CAMTA1: variants seen among roughly 807,000 people sequenced by gnomAD.
The protein encoded by CAMTA1 is calmodulin-binding transcription activator 1.
A neutral mutation model predicts 170.9 loss-of-function variants in CAMTA1; 27 were observed. The ratio of observed to expected loss-of-function variants is 0.16; its 90% CI spans 0.12 to 0.22. The LOEUF (loss-of-function observed/expected upper bound fraction) is 0.22. Ranked by LOEUF, CAMTA1 falls within the 10% of genes least tolerant of loss-of-function variation. The pLI, the probability that CAMTA1 is intolerant of heterozygous loss-of-function variation, is 1.00. For synonymous variants in CAMTA1, 833 were observed against 891.5 expected (o/e 0.93, Z 1.17); for missense variants, 1,619 against 2,217.2 (o/e 0.73, Z 5.42).
At chr1:6,824,148 G>GT (rs1017521107) in intron 2 of CAMTA1, among the ~76,000 whole-genome samples, 6 of 152,082 alleles carry the variant, frequency 3.9e-5, no homozygotes, top group Non-Finnish European at 7.4e-5. Flanking sequence ...CAGCTCCTTA[G>GT]TACCTAGTTA....
chr1:7,202,610 T>C (rs1656916617), intron 4 of CAMTA1, among the ~76,000 whole-genome samples: 1 of 152,208 alleles, frequency 6.6e-6, no homozygotes, highest in Admixed American at 6.5e-5. Flanking sequence ...TTCTTGTAAT[T>C]ATTCCCAAAT....
chr1:7,046,743 C>T (rs1407082800), intron 3 of CAMTA1, among the ~76,000 whole-genome samples: 1 of 152,106 alleles, frequency 6.6e-6, no homozygotes, highest in East Asian at 1.9e-4. Context: ...AAATGCTGAC[C>T]TCAATAAATA....
In CAMTA1 at chr1:7,640,388, C is replaced by T; in HGVS notation, c.511-12C>T. The T allele has an allele frequency of 1.2e-6, 2 of 1,613,600 alleles. No individual in the cohort carries two copies. The highest frequency in any genetic ancestry group is 2.7e-5 in the African/African-American group (2 of 75,054). The stretch of plus-strand genomic sequence containing the variant: ...GCCACCCTCATGCTGCCAGTCTCTG[C>T]TCTCCCCACAGAACCCCGACATCGT... On this transcript the variant is annotated splice_polypyrimidine_tract_variant and intron_variant, in intron 6 of 22. Coordinates refer to ENST00000303635, the MANE Select transcript of CAMTA1 (RefSeq NM_015215.4).
chr1:7,327,850 C>T (rs1349811929), intron 5 of CAMTA1, among the ~76,000 whole-genome samples: 8 of 152,090 alleles, frequency 5.3e-5, no homozygotes, highest in African/African-American at 1.9e-4. Context: ...AAAGTGAACT[C>T]TCAGGTTTTG....
rs186822169 is a variant in CAMTA1, at chr1:7,673,671, C to T, written c.2779+2634C>T. 3.4e-3 allele frequency among the ~76,000 whole-genome samples: 524 copies of T among 152,346 alleles called. 3 individuals carry two copies. The highest frequency in any genetic ancestry group is 5.4e-3 in the Non-Finnish European group (367 of 68,032). Reference sequence around the variant, plus strand: ...TCAAGGCACACTGAGAGCTGGGACTCCCCTGCTAGAGCCAGCACTCTGTCT... The same window carrying T: ...TCAAGGCACACTGAGAGCTGGGACTTCCCTGCTAGAGCCAGCACTCTGTCT... On this transcript the variant is annotated intron_variant, in intron 10 of 22. Transcript: ENST00000303635. The surrounding 1 kb of genome is among the most constrained non-coding windows in gnomAD (Gnocchi z 4.6).
At chr1:7,141,989 C>G (rs1420687146) in intron 4 of CAMTA1, 2 of 452,074 alleles carry the variant, frequency 4.4e-6, no homozygotes, top group African/African-American at 4.0e-5. Context: ...CCTCTGACTT[C>G]CCCTGCTTTT....
At chr1:7,708,517 G>C (rs1442206592) in intron 11 of CAMTA1, among the ~76,000 whole-genome samples, 1 of 152,188 alleles carries the variant, frequency 6.6e-6, no homozygotes, top group Non-Finnish European at 1.5e-5. Context: ...AAAGACAGTG[G>C]AGGGGGAGAA....
At chr1:7,718,631 G>A (rs529185663) in intron 11 of CAMTA1, among the ~76,000 whole-genome samples, 97 of 146,256 alleles carry the variant, frequency 6.6e-4, no homozygotes, top group African/African-American at 2.3e-3. Flanking sequence ...ATCTCAGCTC[G>A]CTGCAACTTC....
chr1:7,008,484 T>C (rs1699325506), intron 3 of CAMTA1: 1 of 152,194 alleles, frequency 6.6e-6, no homozygotes, highest in Non-Finnish European at 1.5e-5. Flanking sequence ...GAAGACGTGC[T>C]GGTCTTAGCG....
chr1:6,908,949 G>A lies in CAMTA1; in HGVS notation c.234+83739G>A, dbSNP rs374070778. Reference sequence around the variant, plus strand: ...TGAGAAGTCATGGCTGAAACTGCTCGATCAATTTAAATTTAATTAAAAAGC... The same window carrying A: ...TGAGAAGTCATGGCTGAAACTGCTCAATCAATTTAAATTTAATTAAAAAGC... On this transcript the variant is annotated intron_variant, in intron 3 of 22. Coordinates refer to ENST00000303635, the MANE Select transcript of CAMTA1 (RefSeq NM_015215.4). 1.4e-4 allele frequency among the ~76,000 whole-genome samples: 22 copies of A among 152,302 alleles called. No homozygotes were observed. The East Asian group carries it at 3.5e-3, about 24-fold the overall frequency.
At chr1:7,413,935 A>T (rs940985405) in intron 5 of CAMTA1, among the ~76,000 whole-genome samples, 1 of 152,224 alleles carries the variant, frequency 6.6e-6, no homozygotes, top group African/African-American at 2.4e-5. Flanking sequence ...CATCCCATCA[A>T]TACCTAATTT....
intron 3 of CAMTA1, among the ~76,000 whole-genome samples, chr1:6,926,561 TTTCTCTCTCTCTCC>T (rs1168495181): frequency 2.1e-5 from 3 of 143,156 alleles, no homozygotes; most frequent in Non-Finnish European, 4.6e-5. Flanking sequence ...TCCTTCCTTC[TTTCTCTCTCTCTCC>T]TTCTCTCTCT....
intron 5 of CAMTA1, among the ~76,000 whole-genome samples, chr1:7,446,751 T>C (rs1281732894): frequency 1.3e-5 from 2 of 152,170 alleles, no homozygotes; most frequent in African/African-American, 2.4e-5. Context: ...AAAGGGACCT[T>C]CTATCAGACC....
At chr1:7,310,720 TTCTTTCTTTCTTTCTTTCTTTC>T (rs1676564976) in intron 5 of CAMTA1, among the ~76,000 whole-genome samples, 16 of 79,652 alleles carry the variant, frequency 2.0e-4, no homozygotes, top group African/African-American at 3.5e-4. Context: ...CTTTCTTTCT[TTCTTTCTTTCTTTCTTTCTTTC>T]TTTTTTTTAA....
intron 7 of CAMTA1, among the ~76,000 whole-genome samples, chr1:7,648,443 C>G (rs890764887): frequency 6.6e-6 from 1 of 151,960 alleles, no homozygotes; most frequent in African/African-American, 2.4e-5. Flanking sequence ...AAACTTTTCC[C>G]CCATGGAGCT....
chr1:7,497,921 A>T (rs1016409509), intron 6 of CAMTA1, among the ~76,000 whole-genome samples: 2 of 152,188 alleles, frequency 1.3e-5, no homozygotes, highest in African/African-American at 4.8e-5. Flanking sequence ...CCCAGGCAGG[A>T]GAGATGACGG....
intron 3 of CAMTA1, among the ~76,000 whole-genome samples, chr1:6,979,302 C>G (rs1316125705): frequency 6.6e-6 from 1 of 152,198 alleles, no homozygotes; most frequent in African/African-American, 2.4e-5. Flanking sequence ...CCCTCTCCCA[C>G]TCTGCAGGCA....
intron 3 of CAMTA1, among the ~76,000 whole-genome samples, chr1:7,061,391 G>A (rs147280400): frequency 6.6e-6 from 1 of 152,232 alleles, no homozygotes; most frequent in Admixed American, 6.5e-5. Context: ...GCTGGCGAGC[G>A]GGTGTCACCC....
chr1:6,921,610 G>C (rs891143970), intron 3 of CAMTA1, among the ~76,000 whole-genome samples: 5 of 152,146 alleles, frequency 3.3e-5, no homozygotes, highest in Admixed American at 6.5e-5. Flanking sequence ...ACCCAAGACT[G>C]GGCAATTTAC....
Sources: allele counts gnomAD v4.1 joint callset (sites outside exome capture counted in the v4.1 genomes callset), GRCh38; gene constraint gnomAD v4.1.1; non-coding constraint Gnocchi (gnomAD v3.1); transcripts MANE v1.5; gene names NCBI Gene and HGNC (gene_info 2026-07-23, HGNC 2026-07-21).